Variants in RALYL observed in about 807,000 individuals in gnomAD.
RALYL encodes the protein RALY RNA binding protein like.
Under a neutral mutation model 35.1 loss-of-function variants are expected in RALYL, and 29 were observed. The observed-to-expected ratio is 0.83, with a 90% CI of 0.61 to 1.13. The LOEUF (loss-of-function observed/expected upper bound fraction) is 1.13. Ranked by LOEUF, RALYL falls within the 50% of genes most tolerant of loss-of-function variation. RALYL has a pLI of 0.00. For missense variants in RALYL, 359 were observed against 360.4 expected, an observed-to-expected ratio of 1.00 and a Z score of 0.03; for synonymous variants, 120 against 127.6, an observed-to-expected ratio of 0.94 and a Z score of 0.40.
intron 2 of RALYL, among the ~76,000 whole-genome samples, chr8:84,740,141 A>T (rs1352762232): frequency 2.6e-5 from 4 of 152,010 alleles, no homozygotes; most frequent in African/African-American, 9.7e-5. Flanking sequence ...AAGTGTCTTT[A>T]AGGAAGGAAG....
At chr8:84,214,295 A>G (rs766598491) in intron 1 of RALYL, among the ~76,000 whole-genome samples, 15 of 152,114 alleles carry the variant, frequency 9.9e-5, no homozygotes, top group Non-Finnish European at 1.8e-4. Flanking sequence ...TAAGAAATAG[A>G]ATTGTGGATT....
intron 2 of RALYL, among the ~76,000 whole-genome samples, chr8:84,715,758 T>C (rs1842867066): frequency 1.3e-5 from 2 of 152,220 alleles, no homozygotes; most frequent in African/African-American, 2.4e-5. Flanking sequence ...TGATTCATTT[T>C]CCTTTTTCTA....
At chr8:84,453,166 A>G (rs2049709453) in intron 1 of RALYL, among the ~76,000 whole-genome samples, 1 of 152,088 alleles carries the variant, frequency 6.6e-6, no homozygotes, top group East Asian at 1.9e-4. Context: ...CCATACAAAT[A>G]TAATAGCTCT....
At chr8:84,263,662 T>A (rs1232648031) in intron 1 of RALYL, among the ~76,000 whole-genome samples, 3 of 152,120 alleles carry the variant, frequency 2.0e-5, no homozygotes, top group South Asian at 2.1e-4. Context: ...GTTACATAGG[T>A]TAACGTGTGC....
intron 1 of RALYL, among the ~76,000 whole-genome samples, chr8:84,526,799 T>C (rs888810569): frequency 7.2e-5 from 11 of 152,152 alleles, no homozygotes; most frequent in African/African-American, 2.7e-4. Context: ...CTGAAATATG[T>C]TTTACAGGCA....
intron 2 of RALYL, among the ~76,000 whole-genome samples, chr8:84,547,022 G>T (rs918045602): frequency 6.6e-6 from 1 of 151,996 alleles, no homozygotes; most frequent in Non-Finnish European, 1.5e-5. Context: ...TGTTCCAAAG[G>T]TATACATGTG....
intron 1 of RALYL, among the ~76,000 whole-genome samples, chr8:84,280,177 T>A (rs1836261346): frequency 6.6e-6 from 1 of 152,174 alleles, no homozygotes. Context: ...GACTATACCA[T>A]TAAAATCATG....
At chr8:84,278,485 C>A (rs922244607) in intron 1 of RALYL, among the ~76,000 whole-genome samples, 5 of 152,236 alleles carry the variant, frequency 3.3e-5, no homozygotes, top group African/African-American at 9.6e-5. Flanking sequence ...ATGCAAATTT[C>A]TGCAGCTGGC....
intron 1 of RALYL, among the ~76,000 whole-genome samples, chr8:84,511,621 C>A (rs888510759): frequency 1.6e-4 from 24 of 152,106 alleles, no homozygotes; most frequent in African/African-American, 5.8e-4. Context: ...AGTCATTCTA[C>A]TGTGCTATCA....
intron 2 of RALYL, among the ~76,000 whole-genome samples, chr8:84,604,476 G>A (rs1024392934): frequency 2.0e-4 from 31 of 152,178 alleles, no homozygotes; most frequent in African/African-American, 7.2e-4. Flanking sequence ...CCTAACCCTG[G>A]TGCCAAAAAC....
At chr8:84,186,103 C>T (rs10112212) in intron 1 of RALYL, among the ~76,000 whole-genome samples, 34 of 151,894 alleles carry the variant, frequency 2.2e-4, no homozygotes, top group Non-Finnish European at 3.2e-4. Context: ...TTTTGTTCTC[C>T]GAGTAGCTTT....
intron 2 of RALYL, among the ~76,000 whole-genome samples, chr8:84,726,045 C>G (rs1033072806): frequency 2.7e-5 from 4 of 150,924 alleles, no homozygotes; most frequent in African/African-American, 9.7e-5. Context: ...CTAAGTATTT[C>G]TTTGTTATAA....
At chr8:84,685,606 C>A (rs1836596227) in intron 2 of RALYL, among the ~76,000 whole-genome samples, 1 of 152,152 alleles carries the variant, frequency 6.6e-6, no homozygotes. Flanking sequence ...ATAGTCAGTT[C>A]TGTTATAAAT....
chr8:84,268,939 A>G (rs1452858414), intron 1 of RALYL, among the ~76,000 whole-genome samples: 2 of 152,212 alleles, frequency 1.3e-5, no homozygotes, highest in African/African-American at 2.4e-5. Context: ...ATACAGTCAA[A>G]TTAAGGGTAT....
chr8:84,730,554 GA>G (rs1845963442), intron 2 of RALYL, among the ~76,000 whole-genome samples: 1 of 152,086 alleles, frequency 6.6e-6, no homozygotes, highest in African/African-American at 2.4e-5. Context: ...GCAGGAGAAG[GA>G]AATAAAGGGT....
chr8:84,494,267 C>G (rs1405474888), intron 1 of RALYL, among the ~76,000 whole-genome samples: 1 of 152,060 alleles, frequency 6.6e-6, no homozygotes, highest in Non-Finnish European at 1.5e-5. Flanking sequence ...GTCTATATGT[C>G]TGTTTTTGTA....
intron 1 of RALYL, among the ~76,000 whole-genome samples, chr8:84,246,613 C>T (rs1174627322): frequency 6.6e-6 from 1 of 152,016 alleles, no homozygotes; most frequent in Non-Finnish European, 1.5e-5. Flanking sequence ...TGGAAAAAAG[C>T]GCCTGTGGAT....
chr8:84,863,440 A>G (rs1175407621), intron 6 of RALYL, among the ~76,000 whole-genome samples: 1 of 152,222 alleles, frequency 6.6e-6, no homozygotes, highest in Non-Finnish European at 1.5e-5. Flanking sequence ...AGAGTTAGAC[A>G]CAGGGCAAGT....
intron 2 of RALYL, among the ~76,000 whole-genome samples, chr8:84,757,817 A>G (rs1288250477): frequency 6.6e-6 from 1 of 152,184 alleles, no homozygotes; most frequent in Non-Finnish European, 1.5e-5. Flanking sequence ...TAATGAATGT[A>G]TATGGTAGGC....
Sources: allele counts gnomAD v4.1 joint callset (sites outside exome capture counted in the v4.1 genomes callset), GRCh38; gene constraint gnomAD v4.1.1; transcripts MANE v1.5; gene names NCBI Gene and HGNC (gene_info 2026-07-23, HGNC 2026-07-21).